CSMD3: variants seen among roughly 807,000 people sequenced by gnomAD.
The protein encoded by CSMD3 is CUB and Sushi multiple domains 3.
CSMD3 carries 177 observed loss-of-function variants against 435.2 expected under a neutral mutation model. The observed-to-expected ratio is 0.41, with a 90% CI of 0.36 to 0.46. The LOEUF (loss-of-function observed/expected upper bound fraction) is 0.46. Among genes scored for constraint, CSMD3 ranks in the 20% least tolerant of loss-of-function variants. CSMD3 has a pLI of 0.34. For synonymous variants in CSMD3, 1,656 were observed against 1,520.5 expected (o/e 1.09, Z -2.07); for missense variants, 4,265 against 4,504.6 (o/e 0.95, Z 1.52).
intron 12 of CSMD3, among the ~76,000 whole-genome samples, chr8:112,822,820 T>A (rs1018780312): frequency 1.3e-5 from 2 of 152,150 alleles, no homozygotes; most frequent in African/African-American, 4.8e-5. Flanking sequence ...CATTAATACC[T>A]AGTTTATTGA....
chr8:113,430,005 A>T (rs1384083122), intron 1 of CSMD3, among the ~76,000 whole-genome samples: 5 of 152,194 alleles, frequency 3.3e-5, no homozygotes, highest in Admixed American at 6.6e-5. Flanking sequence ...GCAGGGGATG[A>T]AATCAGCACA....
chr8:113,098,033 A>T (rs1486785266), intron 5 of CSMD3, among the ~76,000 whole-genome samples: 1 of 151,970 alleles, frequency 6.6e-6, no homozygotes, highest in African/African-American at 2.4e-5. Flanking sequence ...TCTTCAAATC[A>T]ATCTCTTCAT....
intron 63 of CSMD3, among the ~76,000 whole-genome samples, chr8:112,249,262 C>A (rs1815044661): frequency 6.6e-6 from 1 of 152,028 alleles, no homozygotes; most frequent in Non-Finnish European, 1.5e-5. Flanking sequence ...TTCCTTTTTT[C>A]TCCAGTTTAC....
At chr8:112,898,046 G>A (rs2082002273) in intron 10 of CSMD3, among the ~76,000 whole-genome samples, 1 of 151,056 alleles carries the variant, frequency 6.6e-6, no homozygotes. Context: ...TATACGTATA[G>A]AAATACTTCC....
At chr8:112,888,918 T>C (rs1040670912) in intron 10 of CSMD3, among the ~76,000 whole-genome samples, 2 of 151,644 alleles carry the variant, frequency 1.3e-5, no homozygotes, top group Non-Finnish European at 1.5e-5. Flanking sequence ...AGAGGACTTA[T>C]GGAGTGTACA....
At chr8:112,781,601 A>ATT (rs1358412814) in intron 13 of CSMD3, among the ~76,000 whole-genome samples, 1 of 152,086 alleles carries the variant, frequency 6.6e-6, no homozygotes, top group African/African-American at 2.4e-5. Flanking sequence ...GACAGGCAAT[A>ATT]GTTGCCACAG....
At position 112,304,902 on chromosome 8, in the gene CSMD3, T is replaced by G; in HGVS notation, c.8085A>C (p.Pro2695=). 3 of 1,613,456 alleles carry G rather than the reference T, an allele frequency of 1.9e-6. No homozygotes were observed. Among genetic ancestry groups the G allele is most frequent in the South Asian group, 1.1e-5 (1 of 91,036 alleles). Residue 2695 remains proline, a synonymous_variant, in exon 52 of 71, where the codon CCA becomes CCC. Transcript: ENST00000297405. The stretch of plus-strand genomic sequence containing the variant: ...GTTCCAAGATAAAGGAATTGATGCT[T>G]GGACATGTAACAACTATACAAAAAC... ...KTPRCVVVTC[P]SINSFILEHG...
chr8:113,229,362 C>A lies in CSMD3; in HGVS notation c.514+49230G>T, dbSNP rs879521511. 5.3e-5 allele frequency among the ~76,000 whole-genome samples: 8 copies of A among 151,296 alleles called. 1 individual carries two copies. In the Admixed American group the frequency reaches 5.3e-4, roughly 10 times the overall value. On this transcript the variant is annotated intron_variant, in intron 3 of 70. Coordinates refer to ENST00000297405, the MANE Select transcript of CSMD3 (RefSeq NM_198123.2). ...TTCACATATATTGTGAATTGTGGTT[C>A]TTTTTGAAAGATCAGTCACTTTGCT...
intron 10 of CSMD3, among the ~76,000 whole-genome samples, chr8:112,877,775 C>T (rs908868804): frequency 6.6e-6 from 1 of 152,118 alleles, no homozygotes; most frequent in African/African-American, 2.4e-5. Flanking sequence ...ACATCTACAA[C>T]CATCTGATCT....
At chr8:112,346,250 G>A (rs762115038) in intron 40 of CSMD3, 37 bp from the exon 41 acceptor site, 1 of 1,204,138 alleles carries the variant, frequency 8.3e-7, no homozygotes, top group East Asian at 2.3e-5. Context: ...AACCAGAGTA[G>A]AGGAATAATT....
At chr8:113,007,029 G>A (rs1458001641) in intron 6 of CSMD3, among the ~76,000 whole-genome samples, 1 of 151,868 alleles carries the variant, frequency 6.6e-6, no homozygotes, top group Non-Finnish European at 1.5e-5. Context: ...CTGAAACAGT[G>A]GCAAGTAAGA....
chr8:112,838,671 T>C (rs931801674), intron 11 of CSMD3, among the ~76,000 whole-genome samples: 1 of 151,852 alleles, frequency 6.6e-6, no homozygotes, highest in Non-Finnish European at 1.5e-5. Flanking sequence ...AAATGTCTAA[T>C]GCAGAGAGAG....
rs771844298 is a variant in CSMD3 at position 112,550,954 on chromosome 8, C to T, written c.4362-81G>A. On this transcript the variant is annotated intron_variant, in intron 26 of 70. Transcript: ENST00000297405. The stretch of plus-strand genomic sequence containing the variant: ...AAAAATAGAACAAATGTGCATTATG[C>T]CTTTTACTAGATAGTTCTTTTTTGC... The T allele has an allele frequency of 9.6e-6, 9 of 934,608 alleles. No individual in the cohort carries two copies. The East Asian group carries it at 2.0e-4, about 21-fold the overall frequency. 57.9% of individuals were successfully genotyped at this position (934,608 alleles called of 1,614,324 possible).
intron 13 of CSMD3, among the ~76,000 whole-genome samples, chr8:112,720,141 T>A (rs1198237500): frequency 6.6e-6 from 1 of 152,180 alleles, no homozygotes; most frequent in Admixed American, 6.6e-5. Flanking sequence ...TGATTTCCAC[T>A]GACCTAACTG....
At chr8:112,554,607 G>T (rs1563696420) in intron 25 of CSMD3, among the ~76,000 whole-genome samples, 2 of 151,790 alleles carry the variant, frequency 1.3e-5, no homozygotes, top group Non-Finnish European at 2.9e-5. Context: ...CTTAAACATA[G>T]CTGTTTCCCC....
chr8:113,079,992 T>A (rs1198905794), intron 5 of CSMD3, among the ~76,000 whole-genome samples: 1 of 152,174 alleles, frequency 6.6e-6, no homozygotes, highest in East Asian at 1.9e-4. Context: ...GTTGAGATGC[T>A]CTTTTTCTGA....
At chr8:112,788,820 T>G (rs2078617638) in intron 13 of CSMD3, among the ~76,000 whole-genome samples, 1 of 152,142 alleles carries the variant, frequency 6.6e-6, no homozygotes. Flanking sequence ...GTTAGACATT[T>G]TAGAAGCAGT....
Position 113,142,461 on chromosome 8 carries a change from A to T in CSMD3, c.709+31261T>A, listed in dbSNP as rs573760084. Among the ~76,000 whole-genome samples, 84 of 151,344 alleles carry T rather than the reference A, an allele frequency of 5.6e-4. 1 individual carries two copies. The South Asian group carries it at 0.016, about 28-fold the overall frequency. On this transcript the variant is annotated intron_variant, in intron 4 of 70. Coordinates refer to ENST00000297405, the MANE Select transcript of CSMD3 (RefSeq NM_198123.2). ...AACAGAGTAGGGAATCCATCAACAG[A>T]CCTACACAAATATGCCAAGTGATTT...
chr8:113,119,296 T>C (rs1238559810), intron 4 of CSMD3, among the ~76,000 whole-genome samples: 1 of 152,106 alleles, frequency 6.6e-6, no homozygotes, highest in Non-Finnish European at 1.5e-5. Flanking sequence ...TTAAAATAGA[T>C]CATCAAATTT....
Sources: allele counts gnomAD v4.1 joint callset (sites outside exome capture counted in the v4.1 genomes callset), GRCh38; gene constraint gnomAD v4.1.1; transcripts MANE v1.5; gene names NCBI Gene and HGNC (gene_info 2026-07-23, HGNC 2026-07-21).